The following KIF21B variants were observed in gnomAD, a reference collection of about 807,000 sequenced individuals.
KIF21B encodes kinesin family member 21B, also known as kinesin-like protein KIF21B.
A neutral mutation model predicts 192.9 loss-of-function variants in KIF21B; 85 were observed. The ratio of observed to expected loss-of-function variants is 0.44; its 90% confidence interval spans 0.37 to 0.53. The LOEUF (loss-of-function observed/expected upper bound fraction) is 0.53. Ranked by LOEUF, KIF21B falls within the 20% of genes least tolerant of loss-of-function variation. The pLI, the probability that KIF21B is intolerant of heterozygous loss-of-function variation, is 0.00. For synonymous variants in KIF21B, 832 were observed against 884.6 expected (o/e 0.94, Z 1.05); for missense variants, 1,716 against 2,194.8 (o/e 0.78, Z 4.36).
At chr1:200,973,792 T>G in intron 34 of KIF21B, 1 of 1,433,784 alleles carries the variant, frequency 7.0e-7, no homozygotes, top group Non-Finnish European at 9.1e-7. Flanking sequence ...CAGGGGAGCT[T>G]TGTCATGGGT....
At chr1:200,977,527 A>G (rs746902396) in intron 30 of KIF21B, 151 bp from the exon 31 acceptor site, 10 of 944,108 alleles carry the variant, frequency 1.1e-5, no homozygotes, top group South Asian at 8.7e-5. Flanking sequence ...AGCTTCTCCC[A>G]TAAGTGAGAC....
chr1:200,991,882 C>T (rs1656724238), intron 16 of KIF21B, among the ~76,000 whole-genome samples, 157 bp from the exon 17 acceptor site: 1 of 152,238 alleles, frequency 6.6e-6, no homozygotes, highest in Non-Finnish European at 1.5e-5. Context: ...GTTGAGCTCC[C>T]CTCCCCAGAG....
chr1:200,985,023 G>C, intron 26 of KIF21B, 51 bp from the exon 27 acceptor site: 1 of 1,352,036 alleles, frequency 7.4e-7, no homozygotes, highest in Non-Finnish European at 1.0e-6. Flanking sequence ...CCTGCCCACA[G>C]GCCCCTACTT....
chr1:201,014,111 G>A (rs1658373163), intron 1 of KIF21B, among the ~76,000 whole-genome samples: 4 of 152,228 alleles, frequency 2.6e-5, no homozygotes, highest in Admixed American at 2.0e-4. Flanking sequence ...GAAAGGGCCC[G>A]GAGCTTTTCA....
At chr1:201,014,254 C>T (rs1658382571) in intron 1 of KIF21B, among the ~76,000 whole-genome samples, 1 of 152,242 alleles carries the variant, frequency 6.6e-6, no homozygotes, top group Admixed American at 6.5e-5. Context: ...GACATGCGGG[C>T]GGCTGGGGAG....
At chr1:200,996,743 G>A (rs1265331846) in intron 14 of KIF21B, among the ~76,000 whole-genome samples, 1 of 152,166 alleles carries the variant, frequency 6.6e-6, no homozygotes, top group Non-Finnish European at 1.5e-5. Context: ...TGGGGCCTGT[G>A]GGAAGGGGAA....
In KIF21B at chr1:200,972,142, C is replaced by A. The variant is rs1655248701; in HGVS notation, c.*1379G>T. The A allele has an allele frequency of 6.6e-6, 1 of 152,270 alleles. No homozygotes were observed. The highest frequency in any genetic ancestry group is 2.4e-5 in the African/African-American group (1 of 41,426). 9.4% of individuals were successfully genotyped at this position (152,270 alleles called of 1,614,324 possible). On this transcript the variant is annotated 3_prime_UTR_variant, in exon 35 of 35. Transcript: ENST00000461742. ...TCCAGAGTTCCCCCAACAGGGGGCG[C>A]CAGAACACTGATTTAACAATTTCCC...
intron 1 of KIF21B, among the ~76,000 whole-genome samples, chr1:201,020,808 T>TACACACACACACACACACACACACAC (rs60686711): frequency 1.3e-4 from 18 of 142,816 alleles, no homozygotes; most frequent in Admixed American, 2.7e-4. Context: ...CTCTCTCCTC[T>TACACACACACACACACACACACACAC]ACACACACAC....
At chr1:200,973,814 G>A in intron 34 of KIF21B, 5 of 1,425,154 alleles carry the variant, frequency 3.5e-6, no homozygotes, top group South Asian at 1.5e-5. Context: ...TTCTTTTTTT[G>A]GGGGGGTGTT....
rs1341882397 is a variant in KIF21B, at chr1:200,989,943, T to C, written c.3131A>G (p.Lys1044Arg). The C allele has an allele frequency of 1.9e-6, 3 of 1,613,324 alleles. No homozygotes were observed. The highest frequency in any genetic ancestry group is 2.5e-6 in the Non-Finnish European group (3 of 1,179,496). ...LDNFLKASID[K>R]GLQVAQKEAQ... ...TGCCCATGTACGCTCCCAGCTTACC[T>C]TGTCAATGGATGCCTTGAGGAAGTT... The change falls in exon 21 of 35, where the codon AAG (lysine) becomes AGG (arginine). Residue 1044 changes from lysine (K) to arginine (R), a missense_variant and splice_region_variant. By Grantham distance (26) the Lys-to-Arg change is conservative. Coordinates refer to ENST00000461742, the MANE Select transcript of KIF21B (RefSeq NM_001252102.2).
At chr1:201,015,250 G>A in intron 1 of KIF21B, among the ~76,000 whole-genome samples, 1 of 152,226 alleles carries the variant, frequency 6.6e-6, no homozygotes, top group East Asian at 1.9e-4. Flanking sequence ...GCTCGCAGCT[G>A]CCCACTTGTG....
rs1657458981 is a variant in KIF21B, at chr1:201,000,963, C to T, written c.1403-183G>A. Reference sequence around the variant, plus strand: ...TCTCTACTAAAAATACAAAATTAGCCGGGCGTGGTGGCGCATGCCTCTAAT... The same window carrying T: ...TCTCTACTAAAAATACAAAATTAGCTGGGCGTGGTGGCGCATGCCTCTAAT... On this transcript the variant is annotated intron_variant, in intron 9 of 34. Coordinates refer to ENST00000461742, the MANE Select transcript of KIF21B (RefSeq NM_001252102.2). The surrounding 1 kb of genome is among the most constrained non-coding windows in gnomAD (Gnocchi z 6.0). 6.6e-6 allele frequency among the ~76,000 whole-genome samples: 1 copy of T among 152,192 alleles called. No individual in the cohort carries two copies. The highest frequency in any genetic ancestry group is 1.9e-4 in the East Asian group (1 of 5,174).
chr1:200,996,803 G>A (rs991540138), intron 14 of KIF21B, among the ~76,000 whole-genome samples: 1 of 152,166 alleles, frequency 6.6e-6, no homozygotes, highest in Non-Finnish European at 1.5e-5. Flanking sequence ...GAAGGAATAA[G>A]CTGATTCTCC....
intron 1 of KIF21B, among the ~76,000 whole-genome samples, chr1:201,021,596 A>G (rs1055395895): frequency 3.3e-5 from 5 of 152,296 alleles, no homozygotes; most frequent in Admixed American, 2.6e-4. Flanking sequence ...GGAAGAGAAC[A>G]TCAGCTTCTC....
chr1:201,005,121 C>T (rs558317669), intron 5 of KIF21B, among the ~76,000 whole-genome samples, 187 bp downstream of exon 5: 7 of 152,364 alleles, frequency 4.6e-5, no homozygotes, highest in Admixed American at 6.5e-5. Context: ...CACAACACCA[C>T]GATACAGAGA....
intron 3 of KIF21B, among the ~76,000 whole-genome samples, chr1:201,005,993 G>C (rs1657798237): frequency 6.6e-6 from 1 of 152,252 alleles, no homozygotes; most frequent in African/African-American, 2.4e-5. Flanking sequence ...CCCAGATGTA[G>C]GAGATAAGGA....
chr1:201,000,758 A>T lies in KIF21B; in HGVS notation c.1425T>A (p.Gly475=), dbSNP rs1322144369. The T allele has an allele frequency of 6.2e-7, 1 of 1,614,096 alleles. No homozygotes were observed. Among genetic ancestry groups the T allele is most frequent in the Non-Finnish European group, 8.5e-7 (1 of 1,180,026 alleles). The change falls in exon 10 of 35, where the codon GGT becomes GGA. Residue 475 remains glycine (G), a synonymous_variant. Coordinates refer to ENST00000461742, the MANE Select transcript of KIF21B (RefSeq NM_001252102.2). This position sits in a 1 kb window ranked among gnomAD's most constrained non-coding sequence, Gnocchi z 6.0. ...AKAGDGNEAI[G]ALIQNYIREI... ...CCCGGATGTAGTTCTGGATCAGCGC[A>T]CCAATGGCCTCATTGCCATCGCCTG...
At chr1:201,005,056 A>G (rs1571955574) in intron 5 of KIF21B, 123 bp from the exon 6 acceptor site, 1 of 1,142,678 alleles carries the variant, frequency 8.8e-7, no homozygotes, top group Non-Finnish European at 1.3e-6. Context: ...TCGCACATGC[A>G]GAGCATCTGA....
chr1:201,018,522 T>G (rs1207504942), intron 1 of KIF21B, among the ~76,000 whole-genome samples: 1 of 152,200 alleles, frequency 6.6e-6, no homozygotes, highest in Non-Finnish European at 1.5e-5. Context: ...GGCCACTGTG[T>G]GTAGTAAAGC....
Sources: gnomAD v4.1 joint callset for allele counts (sites outside exome capture counted in the v4.1 genomes callset) on GRCh38, gnomAD v4.1.1 for gene constraint, Gnocchi (gnomAD v3.1) non-coding constraint, MANE v1.5 for transcripts, NCBI Gene and HGNC (gene_info 2026-07-23, HGNC 2026-07-21) for gene names.